The following DOP1A variants were observed in gnomAD, a reference collection of about 807,000 sequenced individuals.
DOP1A encodes the protein DOP1 leucine zipper like protein A, also known as protein DOP1A.
Under a neutral mutation model 267.6 loss-of-function variants are expected in DOP1A, and 90 were observed. The ratio of observed to expected loss-of-function variants is 0.34; its 90% CI spans 0.28 to 0.40. The LOEUF (loss-of-function observed/expected upper bound fraction) is 0.40, where lower values mean the gene tolerates loss of function less well. DOP1A is among the 10% of genes least tolerant of loss of function. The pLI is 1.00. For missense variants in DOP1A, 2,437 were observed against 2,900.4 expected, an observed-to-expected ratio of 0.84 and a Z score of 3.67; for synonymous variants, 932 against 999.1, an observed-to-expected ratio of 0.93 and a Z score of 1.27.
At position 83,110,288 on chromosome 6, in the gene DOP1A, A is replaced by G. The variant is rs768386874; in HGVS notation, c.655A>G (p.Ile219Val). The G allele has an allele frequency of 1.7e-5, 28 of 1,613,408 alleles. No homozygotes were observed. The highest frequency in any genetic ancestry group is 5.3e-5 in the African/African-American group (4 of 74,878). The part of the protein sequence containing the change: ...RKLSMEDQLY[I>V]IGSDIELMVE... The stretch of plus-strand genomic sequence containing the variant: ...GCTTTCTATGGAAGATCAACTTTAT[A>G]TAATTGGCAGTGATATTGAGCTAAT... The change falls in exon 6 of 39, where the codon ATA becomes GTA. Residue 219 changes from isoleucine (I) to valine (V), a missense_variant. Physicochemically the swap from Ile to Val is conservative, Grantham distance 29. This residue lies in a region of DOP1A where 251 missense variants were observed against 359.1 expected (regional missense o/e 0.70). Transcript: ENST00000349129.
intron 15 of DOP1A, among the ~76,000 whole-genome samples, chr6:83,127,682 C>T (rs965138780): frequency 2.6e-5 from 4 of 151,954 alleles, no homozygotes; most frequent in Non-Finnish European, 4.4e-5. Flanking sequence ...CTTGTGCCAA[C>T]AAGATACGAG....
In DOP1A at chr6:83,142,014, A is replaced by G. The variant is rs1225484172; in HGVS notation, c.5509A>G (p.Arg1837Gly). The change falls in exon 24 of 39, where the codon AGA becomes GGA. Residue 1837 changes from arginine to glycine, a missense_variant. Around this residue, in one of 9 missense-constraint regions of DOP1A, gnomAD observed 307 missense variants for 308.6 expected, o/e 0.99. Transcript: ENST00000349129. ...MAAIAFVWNE[R>G]RQNKTTTRTK... ...TGCCATTGCATTTGTGTGGAATGAA[A>G]GAAGACAGAATAAAACAACCACCAG... 1.2e-6 allele frequency: 2 copies of G among 1,612,196 alleles called. No individual in the cohort carries two copies. Among genetic ancestry groups the G allele is most frequent in the Non-Finnish European group, 1.7e-6 (2 of 1,179,524 alleles).
Position 83,153,604 on chromosome 6 carries a change from T to C in DOP1A, c.6223T>C (p.Tyr2075His). ...LVNIMHYVVPYLRNHSAHNAP... is the reference protein window; with the variant it reads ...LVNIMHYVVPHLRNHSAHNAP... ...AAATATTATGCATTATGTTGTGCCC[T>C]ACCTCAGAAATCACAGGTACTATCA... Residue 2075 changes from tyrosine to histidine, a missense_variant, in exon 31 of 39, where the codon TAC (tyrosine) becomes CAC (histidine). Physicochemically the swap from Tyr to His is moderately conservative, Grantham distance 83. Coordinates refer to ENST00000349129, the MANE Select transcript of DOP1A (RefSeq NM_015018.4). 1 of 1,598,870 alleles carries C rather than the reference T, an allele frequency of 6.3e-7. No individual in the cohort carries two copies. Among genetic ancestry groups the C allele is most frequent in the South Asian group, 1.1e-5 (1 of 87,288 alleles).
intron 4 of DOP1A, among the ~76,000 whole-genome samples, chr6:83,103,953 T>A (rs1467196770): frequency 2.0e-5 from 3 of 152,192 alleles, no homozygotes; most frequent in Non-Finnish European, 2.9e-5. Context: ...GCAGCTTAAC[T>A]TTTAAAACTT....
chr6:83,128,445 C>T (rs996681474), intron 15 of DOP1A, among the ~76,000 whole-genome samples: 1 of 152,106 alleles, frequency 6.6e-6, no homozygotes, highest in South Asian at 2.1e-4. Context: ...AGATTAATAG[C>T]AAAGATTTAA....
chr6:83,138,107 A>G lies in DOP1A; in HGVS notation c.4065A>G (p.Arg1355=), dbSNP rs746685868. The G allele has an allele frequency of 6.2e-7, 1 of 1,613,914 alleles. No individual in the cohort carries two copies. The highest frequency in any genetic ancestry group is 8.5e-7 in the Non-Finnish European group (1 of 1,179,894). ...GTGACATGGGTTCTCCAGGATCTCG[A>G]AAATCTCCCAATTTCAACATTCATC... ...IESDMGSPGS[R]KSPNFNIHPL... Residue 1355 remains arginine, a synonymous_variant, in exon 21 of 39, where the codon CGA becomes CGG. Transcript: ENST00000349129.
chr6:83,164,597 T>C, intron 38 of DOP1A: 1 of 1,480,750 alleles, frequency 6.8e-7, no homozygotes, highest in East Asian at 2.5e-5. Flanking sequence ...AAACAAGGTC[T>C]TCATGGCCAA....
intron 16 of DOP1A, among the ~76,000 whole-genome samples, 155 bp downstream of exon 16, chr6:83,129,663 G>A (rs1422387835): frequency 6.6e-6 from 1 of 152,036 alleles, no homozygotes. Context: ...CTGTCACTAT[G>A]GGGAGATTGA....
At chr6:83,103,750 G>A (rs1773032520) in intron 4 of DOP1A, among the ~76,000 whole-genome samples, 1 of 152,056 alleles carries the variant, frequency 6.6e-6, no homozygotes, top group Non-Finnish European at 1.5e-5. Flanking sequence ...CTTTTAAACT[G>A]TTGATATAAT....
chr6:83,103,094 T>TTTA (rs918914524), intron 4 of DOP1A, among the ~76,000 whole-genome samples: 12 of 152,104 alleles, frequency 7.9e-5, no homozygotes, highest in African/African-American at 2.7e-4. Context: ...TAGGTAGGTT[T>TTTA]TTATTATTAT....
At chr6:83,118,793 A>G in intron 7 of DOP1A, 95 bp from the exon 8 acceptor site, 1 of 956,046 alleles carries the variant, frequency 1.0e-6, no homozygotes, top group African/African-American at 1.6e-5. Flanking sequence ...CATACACCCT[A>G]ATATTCTAAG....
intron 3 of DOP1A, among the ~76,000 whole-genome samples, chr6:83,097,757 G>A (rs1355118021): frequency 1.3e-5 from 2 of 151,328 alleles, no homozygotes; most frequent in African/African-American, 4.9e-5. Context: ...CATAGTTAAG[G>A]TTTTTTTTAA....
At chr6:83,105,977 T>C (rs1450713175) in intron 4 of DOP1A, among the ~76,000 whole-genome samples, 1 of 152,194 alleles carries the variant, frequency 6.6e-6, no homozygotes, top group Non-Finnish European at 1.5e-5. Context: ...GATATTCTTG[T>C]ACACATACAC....
chr6:83,167,715 A>C (rs1786122415), intron 38 of DOP1A, 147 bp from the exon 39 acceptor site: 2 of 1,406,506 alleles, frequency 1.4e-6, no homozygotes, highest in Non-Finnish European at 1.8e-6. Flanking sequence ...CAGAAGCACC[A>C]AGGGTTTTGA....
At chr6:83,169,610 C>T (rs1786653837), downstream of DOP1A, 4 of 449,668 alleles carry the variant, frequency 8.9e-6, no homozygotes, top group East Asian at 1.6e-4. Context: ...AACTTTAATC[C>T]ACAATTGGCC....
In DOP1A at chr6:83,130,302, T is replaced by A; in HGVS notation, c.2521T>A (p.Leu841Ile). ...NINSVEPAQP[L>I]SPNQGRVAVV... ...CAACAGTGTAGAGCCTGCACAACCC[T>A]TAAGTCCAAACCAGGGAAGAGTAGC... is the stretch of plus-strand genomic sequence containing the variant. Residue 841 changes from leucine (L) to isoleucine (I), a missense_variant, in exon 17 of 39, where the codon TTA becomes ATA. Physicochemically the swap from Leu to Ile is conservative, Grantham distance 5. Around this residue, in one of 9 missense-constraint regions of DOP1A, gnomAD observed 878 missense variants for 992.9 expected, o/e 0.88. Coordinates refer to ENST00000349129, the MANE Select transcript of DOP1A (RefSeq NM_015018.4). 1.9e-6 allele frequency: 3 copies of A among 1,613,978 alleles called. No individual in the cohort carries two copies. The highest frequency in any genetic ancestry group is 8.5e-7 in the Non-Finnish European group (1 of 1,179,956).
At chr6:83,105,983 TACAC>T (rs1169857419) in intron 4 of DOP1A, among the ~76,000 whole-genome samples, 1 of 152,332 alleles carries the variant, frequency 6.6e-6, no homozygotes, top group Non-Finnish European at 1.5e-5. Context: ...CTTGTACACA[TACAC>T]ACACGTTATG....
At chr6:83,157,478 G>A (rs1217197032) in intron 35 of DOP1A, among the ~76,000 whole-genome samples, 160 bp downstream of exon 35, 1 of 152,154 alleles carries the variant, frequency 6.6e-6, no homozygotes, top group Non-Finnish European at 1.5e-5. Flanking sequence ...AAACAAGTCA[G>A]ATTCCATTTC....
In DOP1A at chr6:83,120,742, T is replaced by A; in HGVS notation, c.1050T>A (p.Asp350Glu). The A allele has an allele frequency of 6.3e-7, 1 of 1,581,886 alleles. No individual in the cohort carries two copies. The highest frequency in any genetic ancestry group is 8.6e-7 in the Non-Finnish European group (1 of 1,157,752). The change falls in exon 10 of 39, where the codon GAT becomes GAA. Residue 350 changes from aspartate (D) to glutamate (E), a missense_variant. Asp to Glu is a conservative substitution (Grantham distance 45). Coordinates refer to ENST00000349129, the MANE Select transcript of DOP1A (RefSeq NM_015018.4). ...GFGEENTLMQ[D>E]LKPFRILISL... ...GAGAAGAGAACACTCTAATGCAGGA[T>A]CTAAAGCCTTTTCGCATTTTAATCA...
Sources: allele counts gnomAD v4.1 joint callset (sites outside exome capture counted in the v4.1 genomes callset), GRCh38; gene constraint gnomAD v4.1.1; regional missense constraint gnomAD v4.1.1; transcripts MANE v1.5; gene names NCBI Gene and HGNC (gene_info 2026-07-23, HGNC 2026-07-21).